Variants in ACBD6 observed in about 807,000 individuals in gnomAD.
ACBD6 encodes acyl-CoA binding domain containing 6.
In ACBD6, 28 loss-of-function variants were observed where a neutral mutation model predicts 37.2. The observed-to-expected ratio is 0.75, with a 90% CI of 0.56 to 1.03. The LOEUF is 1.03. Ranked by LOEUF, ACBD6 falls within the 50% of genes least tolerant of loss-of-function variation. ACBD6 has a pLI of 0.00. For synonymous variants in ACBD6, 113 were observed against 126.8 expected, an observed-to-expected ratio of 0.89 and a Z score of 0.73; for missense variants, 340 against 337.4, an observed-to-expected ratio of 1.01 and a Z score of -0.06.
chr1:180,419,821 G>T (rs1314761570), intron 4 of ACBD6, among the ~76,000 whole-genome samples: 2 of 152,222 alleles, frequency 1.3e-5, no homozygotes, highest in Non-Finnish European at 2.9e-5. Flanking sequence ...CTGAAGAGGG[G>T]CTGGTCTTGC....
downstream of ACBD6, chr1:180,288,174 C>T (rs958751452): frequency 1.4e-6 from 1 of 737,854 alleles, no homozygotes; most frequent in Non-Finnish European, 2.2e-6. Flanking sequence ...TGTTCATCAC[C>T]AAAACTGTAC....
At chr1:180,300,082 G>A (rs188599748) in intron 7 of ACBD6, among the ~76,000 whole-genome samples, 117 of 152,252 alleles carry the variant, frequency 7.7e-4, no homozygotes, top group African/African-American at 2.7e-3. Flanking sequence ...TAAGGATGGA[G>A]TTTGACAACT....
intron 2 of ACBD6, among the ~76,000 whole-genome samples, chr1:180,493,658 T>C (rs912300676): frequency 6.6e-6 from 1 of 152,196 alleles, no homozygotes; most frequent in Non-Finnish European, 1.5e-5. Context: ...CTCAGGAAAT[T>C]TATCATCAAT....
At chr1:180,439,560 A>C (rs1332552099) in intron 3 of ACBD6, among the ~76,000 whole-genome samples, 1 of 151,994 alleles carries the variant, frequency 6.6e-6, no homozygotes, top group Non-Finnish European at 1.5e-5. Context: ...ACTGCACTCC[A>C]GCCTGGGCGA....
intron 6 of ACBD6, among the ~76,000 whole-genome samples, chr1:180,370,352 T>C (rs1019354309): frequency 1.3e-5 from 2 of 152,122 alleles, no homozygotes; most frequent in African/African-American, 2.4e-5. Flanking sequence ...CATATGCACA[T>C]GTACATGTGT....
chr1:180,448,837 T>A (rs567898906), intron 3 of ACBD6, among the ~76,000 whole-genome samples: 71 of 152,344 alleles, frequency 4.7e-4, no homozygotes, highest in Middle Eastern at 3.4e-3. Context: ...TCATTTTTTT[T>A]AAAATATAAA....
At chr1:180,329,504 T>C (rs1048765873) in intron 6 of ACBD6, among the ~76,000 whole-genome samples, 53 of 152,206 alleles carry the variant, frequency 3.5e-4, no homozygotes, top group African/African-American at 1.2e-3. Context: ...CTCTGACTGA[T>C]AGTCTGGGAA....
intron 3 of ACBD6, among the ~76,000 whole-genome samples, chr1:180,448,375 T>G (rs577259586): frequency 2.6e-5 from 4 of 152,328 alleles, no homozygotes; most frequent in African/African-American, 9.6e-5. Flanking sequence ...GTTCTTAAAT[T>G]TTTAAGACAG....
At chr1:180,358,447 CAA>C (rs10707996) in intron 6 of ACBD6, among the ~76,000 whole-genome samples, 4 of 149,612 alleles carry the variant, frequency 2.7e-5, no homozygotes, top group African/African-American at 7.4e-5. Context: ...ACAACAACAA[CAA>C]AAAAAAAAAA....
intron 6 of ACBD6, among the ~76,000 whole-genome samples, chr1:180,370,442 A>C (rs988943365): frequency 2.0e-5 from 3 of 152,226 alleles, no homozygotes; most frequent in Non-Finnish European, 4.4e-5. Context: ...ACATTACACA[A>C]GAGACCACTA....
chr1:180,358,787 A>G (rs1306132343), intron 6 of ACBD6, among the ~76,000 whole-genome samples: 3 of 152,190 alleles, frequency 2.0e-5, no homozygotes, highest in African/African-American at 7.2e-5. Context: ...CTCTGCCACA[A>G]AGCCTGTAAA....
chr1:180,481,265 T>C (rs1414020817), intron 3 of ACBD6, among the ~76,000 whole-genome samples: 12 of 151,172 alleles, frequency 7.9e-5, no homozygotes, highest in Admixed American at 3.3e-4. Flanking sequence ...TTTGTGACCC[T>C]GGTCTAAAAA....
chr1:180,429,232 A>T (rs1648717735), intron 4 of ACBD6, among the ~76,000 whole-genome samples: 1 of 139,182 alleles, frequency 7.2e-6, no homozygotes, highest in Non-Finnish European at 1.6e-5. Context: ...CCCATTAAAC[A>T]ACTTCCCATT....
intron 7 of ACBD6, among the ~76,000 whole-genome samples, chr1:180,302,219 T>G (rs1229877210): frequency 6.6e-6 from 1 of 152,118 alleles, no homozygotes; most frequent in Non-Finnish European, 1.5e-5. Context: ...TTTATGATGG[T>G]AAATGATGAA....
intron 3 of ACBD6, among the ~76,000 whole-genome samples, chr1:180,491,431 G>C (rs1023364248): frequency 3.3e-5 from 5 of 152,144 alleles, no homozygotes; most frequent in African/African-American, 1.2e-4. Flanking sequence ...GTATATTTAA[G>C]TGAACAATAT....
intron 3 of ACBD6, among the ~76,000 whole-genome samples, chr1:180,468,205 C>T (rs897712216): frequency 1.1e-4 from 17 of 152,184 alleles, no homozygotes; most frequent in Non-Finnish European, 2.4e-4. Flanking sequence ...TCCTGCCTAT[C>T]CTTGGGCAAA....
intron 3 of ACBD6, among the ~76,000 whole-genome samples, chr1:180,483,761 T>A (rs1404656816): frequency 7.2e-5 from 11 of 152,182 alleles, no homozygotes; most frequent in Non-Finnish European, 1.5e-5. Flanking sequence ...AATGGGCTGC[T>A]TTTTTGTTTT....
chr1:180,430,705 T>TA (rs11422663), intron 3 of ACBD6, among the ~76,000 whole-genome samples: 41,440 of 140,836 alleles, frequency 0.29, 5,975 homozygotes, highest in East Asian at 0.36. Flanking sequence ...GTTTTTGGGT[T>TA]AAAAAAAAAA....
At chr1:180,409,602 T>C (rs1647770618) in intron 5 of ACBD6, among the ~76,000 whole-genome samples, 1 of 152,222 alleles carries the variant, frequency 6.6e-6, no homozygotes, top group Admixed American at 6.5e-5. Context: ...TCTCTGATGT[T>C]ACTATTGTAA....
Sources: allele counts gnomAD v4.1 joint callset (sites outside exome capture counted in the v4.1 genomes callset), GRCh38; gene constraint gnomAD v4.1.1; transcripts MANE v1.5; gene names NCBI Gene and HGNC (gene_info 2026-07-23, HGNC 2026-07-21).